Variants in CENPP observed in about 807,000 individuals in gnomAD.
CENPP encodes the protein centromere protein P.
Under a neutral mutation model 35.6 loss-of-function variants are expected in CENPP, and 24 were observed. The ratio of observed to expected loss-of-function variants is 0.67; its 90% CI spans 0.49 to 0.95. The LOEUF is 0.95. Among genes scored for constraint, CENPP ranks in the 40% least tolerant of loss-of-function variants. The probability of loss-of-function intolerance (pLI) is 0.00; values close to 1 mark genes in which losing one functional copy is unlikely to be tolerated. For missense variants in CENPP, 332 were observed against 345.3 expected, an observed-to-expected ratio of 0.96 and a Z score of 0.31; for synonymous variants, 120 against 125.5, an observed-to-expected ratio of 0.96 and a Z score of 0.29.
chr9:92,424,049 G>A (rs1442672802), intron 5 of CENPP, among the ~76,000 whole-genome samples: 1 of 151,994 alleles, frequency 6.6e-6, no homozygotes, highest in Non-Finnish European at 1.5e-5. Context: ...CTAATCAAAA[G>A]TTTAACATAA....
At chr9:92,378,850 A>G (rs1239741200) in intron 4 of CENPP, among the ~76,000 whole-genome samples, 2 of 152,190 alleles carry the variant, frequency 1.3e-5, no homozygotes, top group South Asian at 4.2e-4. Flanking sequence ...TGGTGTGGTA[A>G]TTGTTCTGAC....
At chr9:92,504,681 T>C (rs1198289128) in intron 5 of CENPP, among the ~76,000 whole-genome samples, 1 of 152,088 alleles carries the variant, frequency 6.6e-6, no homozygotes, top group Non-Finnish European at 1.5e-5. Flanking sequence ...ACTACAGGTG[T>C]GCACCACCAT....
chr9:92,333,327 G>A (rs1840815789), intron 2 of CENPP, among the ~76,000 whole-genome samples: 1 of 152,242 alleles, frequency 6.6e-6, no homozygotes, highest in Non-Finnish European at 1.5e-5. Context: ...TGTAGAAACA[G>A]AGTGATGGAA....
intron 5 of CENPP, among the ~76,000 whole-genome samples, chr9:92,402,258 T>C (rs1049833046): frequency 1.3e-5 from 2 of 152,152 alleles, no homozygotes; most frequent in African/African-American, 4.8e-5. Context: ...GCAAAAATAA[T>C]GCTATCATAT....
intron 5 of CENPP, among the ~76,000 whole-genome samples, chr9:92,581,041 GC>G (rs1850412518): frequency 6.6e-6 from 1 of 152,006 alleles, no homozygotes; most frequent in African/African-American, 2.4e-5. Context: ...CTTTATTTCT[GC>G]CTTCATTTCG....
chr9:92,539,469 C>G (rs1050748084), intron 5 of CENPP, among the ~76,000 whole-genome samples: 1 of 151,514 alleles, frequency 6.6e-6, no homozygotes, highest in African/African-American at 2.4e-5. Context: ...AAGGGCTCAG[C>G]TTAATTAAAG....
intron 5 of CENPP, among the ~76,000 whole-genome samples, chr9:92,552,065 A>ATATGATAGATCTATCATATATGTGT (rs1849617594): frequency 7.6e-6 from 1 of 131,612 alleles, no homozygotes. Flanking sequence ...CATATATGTG[A>ATATGATAGATCTATCATATATGTGT]TATGATAGAT....
At chr9:92,581,185 A>C (rs942715993) in intron 5 of CENPP, among the ~76,000 whole-genome samples, 2 of 152,130 alleles carry the variant, frequency 1.3e-5, no homozygotes, top group Non-Finnish European at 2.9e-5. Context: ...AAATAAGTAC[A>C]TAAATATCAA....
intron 5 of CENPP, chr9:92,414,176 T>C (rs1394631220): frequency 1.1e-5 from 2 of 174,836 alleles, no homozygotes; most frequent in Non-Finnish European, 2.5e-5. Flanking sequence ...TGTTAAAACC[T>C]GTCATTCAAA....
chr9:92,587,626 A>G (rs1850572682), intron 5 of CENPP, among the ~76,000 whole-genome samples: 1 of 152,254 alleles, frequency 6.6e-6, no homozygotes, highest in African/African-American at 2.4e-5. Context: ...CATTTATACG[A>G]AGTATCCACA....
At chr9:92,428,535 T>C (rs938116867) in intron 5 of CENPP, among the ~76,000 whole-genome samples, 3 of 152,212 alleles carry the variant, frequency 2.0e-5, no homozygotes, top group Non-Finnish European at 4.4e-5. Context: ...TTTTGTGTTC[T>C]ACACCCAAGT....
intron 4 of CENPP, among the ~76,000 whole-genome samples, chr9:92,350,839 T>G (rs1841422328): frequency 6.6e-6 from 1 of 152,188 alleles, no homozygotes; most frequent in Non-Finnish European, 1.5e-5. Context: ...ATCTACTTGG[T>G]TTTTTTGTTC....
chr9:92,533,306 A>AC (rs1336997444), intron 5 of CENPP, among the ~76,000 whole-genome samples: 47 of 42,986 alleles, frequency 1.1e-3, no homozygotes, highest in East Asian at 2.2e-3. Context: ...TCTCAAACAA[A>AC]AAAAAAAAAA....
intron 5 of CENPP, chr9:92,403,191 G>T (rs767856122): frequency 2.6e-5 from 34 of 1,323,880 alleles, no homozygotes; most frequent in Non-Finnish European, 3.5e-5. Flanking sequence ...GCATTTAAAT[G>T]GGCAGTATTT....
At chr9:92,336,786 G>A (rs1393233787) in intron 2 of CENPP, among the ~76,000 whole-genome samples, 2 of 152,070 alleles carry the variant, frequency 1.3e-5, no homozygotes, top group Non-Finnish European at 2.9e-5. Flanking sequence ...ATATTGAGCT[G>A]TATACTTAAG....
intron 4 of CENPP, among the ~76,000 whole-genome samples, chr9:92,351,877 G>A (rs547266475): frequency 2.6e-5 from 4 of 151,758 alleles, no homozygotes; most frequent in Non-Finnish European, 4.4e-5. Context: ...TAGCCATCTC[G>A]GCCTCCCAAA....
At chr9:92,366,900 A>T (rs1232720669) in intron 4 of CENPP, among the ~76,000 whole-genome samples, 1 of 152,188 alleles carries the variant, frequency 6.6e-6, no homozygotes, top group Non-Finnish European at 1.5e-5. Flanking sequence ...CTAAAATCTG[A>T]AATTTTTTGA....
intron 5 of CENPP, among the ~76,000 whole-genome samples, chr9:92,465,240 T>C (rs571974578): frequency 6.6e-6 from 1 of 152,358 alleles, no homozygotes; most frequent in East Asian, 1.9e-4. Context: ...TAAACTGGAA[T>C]ATATGAGAAG....
chr9:92,455,042 A>G lies in CENPP; in HGVS notation c.564+75183A>G, dbSNP rs117129155. ...CTGCTGAGATTTTGCCCTACCTTCC[A>G]CCACTCCCTGCAGGGACATTTGTCA... On this transcript the variant is annotated intron_variant, in intron 5 of 7. Coordinates refer to ENST00000375587, the MANE Select transcript of CENPP (RefSeq NM_001012267.3). Among the ~76,000 whole-genome samples the G allele has an allele frequency of 2.2e-4, 33 of 152,240 alleles. No homozygotes were observed. In the East Asian group the frequency reaches 6.4e-3, roughly 29 times the overall value.
Sources: gnomAD v4.1 joint callset for allele counts (sites outside exome capture counted in the v4.1 genomes callset) on GRCh38, gnomAD v4.1.1 for gene constraint, MANE v1.5 for transcripts, NCBI Gene and HGNC (gene_info 2026-07-23, HGNC 2026-07-21) for gene names.